EXOC1: variants seen among roughly 807,000 people sequenced by gnomAD.
EXOC1 encodes the protein exocyst complex component 1.
Under a neutral mutation model 107.7 loss-of-function variants are expected in EXOC1, and 67 were observed. The observed-to-expected ratio is 0.62, with a 90% CI of 0.51 to 0.76. The LOEUF is 0.76. Ranked by LOEUF, EXOC1 falls within the 30% of genes least tolerant of loss-of-function variation. EXOC1 has a pLI of 0.00. For synonymous variants in EXOC1, 348 were observed against 353.5 expected, an observed-to-expected ratio of 0.98 and a Z score of 0.17; for missense variants, 833 against 1,055.7, an observed-to-expected ratio of 0.79 and a Z score of 2.92.
intron 8 of EXOC1, among the ~76,000 whole-genome samples, chr4:55,874,580 T>C (rs926005801): frequency 6.6e-6 from 1 of 152,192 alleles, no homozygotes; most frequent in Non-Finnish European, 1.5e-5. Flanking sequence ...GCATGCTATC[T>C]GTAATGCAAC....
chr4:55,904,284 C>T, intron 18 of EXOC1, 59 bp from the exon 19 acceptor site: 4 of 1,463,702 alleles, frequency 2.7e-6, no homozygotes, highest in Non-Finnish European at 3.7e-6. Flanking sequence ...ATTATTTCTG[C>T]ATACTAGATT....
At chr4:55,877,670 G>A (rs1723025397) in intron 8 of EXOC1, 2 of 985,344 alleles carry the variant, frequency 2.0e-6, no homozygotes, top group South Asian at 9.4e-5. Context: ...GGAATGGGTA[G>A]TTGATTTATC....
rs534568550 is a variant in EXOC1, at chr4:55,893,723, A to G, written c.1896A>G (p.Leu632=). 3 of 1,614,152 alleles carry G rather than the reference A, an allele frequency of 1.9e-6. No homozygotes were observed. Among genetic ancestry groups the G allele is most frequent in the African/African-American group, 2.7e-5 (2 of 75,044 alleles). The change falls in exon 15 of 19, where the codon CTA becomes CTG. Residue 632 remains leucine (L), a synonymous_variant. Transcript: ENST00000381295. The stretch of plus-strand genomic sequence containing the variant: ...AAAATGTGGACCCTGCTTCTTTCCT[A>G]AGTACTACATTGGGAAATGTTTTGG... ...TAQNVDPASF[L]STTLGNVLVT...
intron 2 of EXOC1, among the ~76,000 whole-genome samples, chr4:55,859,693 T>C (rs766789659): frequency 5.3e-5 from 8 of 152,250 alleles, no homozygotes; most frequent in Non-Finnish European, 1.2e-4. Context: ...AGCTATACTT[T>C]ACAGTGTTAA....
At chr4:55,897,002 T>C (rs557195036) in intron 16 of EXOC1, 102 bp downstream of exon 16, 51 of 963,332 alleles carry the variant, frequency 5.3e-5, no homozygotes, top group African/African-American at 1.2e-4. Flanking sequence ...GTATATCTTA[T>C]AATCTTTTTT....
chr4:55,856,278 A>G (rs1415564275), intron 1 of EXOC1, among the ~76,000 whole-genome samples: 1 of 152,244 alleles, frequency 6.6e-6, no homozygotes, highest in Non-Finnish European at 1.5e-5. Context: ...CTGGTCTACA[A>G]ACAGGGTGAA....
chr4:55,885,493 G>A (rs115366723), intron 10 of EXOC1: 267 of 152,168 alleles, frequency 1.8e-3, no homozygotes, highest in African/African-American at 6.1e-3. Flanking sequence ...AGGTAGTTTT[G>A]TAGTTTTATA....
chr4:55,881,942 A>G (rs867466170), intron 9 of EXOC1, among the ~76,000 whole-genome samples: 2 of 152,168 alleles, frequency 1.3e-5, no homozygotes, highest in Non-Finnish European at 2.9e-5. Flanking sequence ...TCGAAAGCCA[A>G]ACACTAGAGG....
chr4:55,868,731 T>C, intron 5 of EXOC1: 1 of 419,546 alleles, frequency 2.4e-6, no homozygotes, highest in East Asian at 3.7e-5. Context: ...GACAGTTGGC[T>C]GAGATTCTGG....
intron 15 of EXOC1, among the ~76,000 whole-genome samples, chr4:55,896,446 T>C (rs1369526631): frequency 6.6e-6 from 1 of 152,222 alleles, no homozygotes; most frequent in African/African-American, 2.4e-5. Context: ...CCCCAGCTTA[T>C]AGATGGTTTT....
At chr4:55,887,248 A>T (rs1723979440) in intron 10 of EXOC1, among the ~76,000 whole-genome samples, 1 of 152,134 alleles carries the variant, frequency 6.6e-6, no homozygotes, top group Non-Finnish European at 1.5e-5. Context: ...CAAATCTTTA[A>T]AATAGCCAAG....
At chr4:55,875,620 T>G (rs112308376) in intron 8 of EXOC1, 4 of 985,372 alleles carry the variant, frequency 4.1e-6, no homozygotes, top group African/African-American at 3.5e-5. Context: ...ACATAGACAA[T>G]AATTTTGAGT....
Position 55,870,705 on chromosome 4 carries a change from G to GA in EXOC1, c.636dup (p.Gln213ThrfsTer11). On this transcript the variant is annotated frameshift_variant, in exon 6 of 19. Coordinates refer to ENST00000381295, the MANE Select transcript of EXOC1 (RefSeq NM_001024924.2). LOFTEE classifies it high-confidence loss of function. ...TAACATCCAGTCAATCATGGCATCT[G>GA]AAAAACAAGTCAACATCCTGATGAA... The GA allele has an allele frequency of 6.2e-7, 1 of 1,613,670 alleles. No individual in the cohort carries two copies. Among genetic ancestry groups the GA allele is most frequent in the Non-Finnish European group, 8.5e-7 (1 of 1,179,802 alleles).
intron 18 of EXOC1, among the ~76,000 whole-genome samples, chr4:55,902,798 T>TTGGC (rs1454547970): frequency 2.0e-5 from 3 of 151,602 alleles, no homozygotes; most frequent in Non-Finnish European, 4.4e-5. Context: ...GGTTGGTTGG[T>TTGGC]TGGTTGGTTG....
chr4:55,872,459 G>T (rs542666938), intron 8 of EXOC1, among the ~76,000 whole-genome samples: 8 of 151,956 alleles, frequency 5.3e-5, no homozygotes, highest in Non-Finnish European at 1.2e-4. Context: ...ATTTTTATAT[G>T]GAAAAGGATG....
chr4:55,905,028 ATAT>A lies in EXOC1; in HGVS notation c.*535_*537del, dbSNP rs1316372307. On this transcript the variant is annotated 3_prime_UTR_variant, in exon 19 of 19. Coordinates refer to ENST00000381295, the MANE Select transcript of EXOC1 (RefSeq NM_001024924.2). The stretch of plus-strand genomic sequence containing the variant: ...TTTTCAAAAAAGTTGACATTTGATA[ATAT>A]TTTTAGGTCTATCATATGCTGTCTT... 1 of 152,276 alleles carries A rather than the reference ATAT, an allele frequency of 6.6e-6. No homozygotes were observed. Among genetic ancestry groups the A allele is most frequent in the African/African-American group, 2.4e-5 (1 of 41,460 alleles). 9.4% of individuals were successfully genotyped at this position (152,276 alleles called of 1,614,324 possible). A position where few individuals can be genotyped will look rare whatever the true frequency, so the allele number is the denominator to read the frequency against.
At chr4:55,893,212 C>T (rs1397554472) in intron 14 of EXOC1, among the ~76,000 whole-genome samples, 4 of 152,132 alleles carry the variant, frequency 2.6e-5, no homozygotes, top group South Asian at 2.1e-4. Context: ...CTTCACCTCC[C>T]GGGTTCAAGC....
At chr4:55,871,650 A>G (rs1475173966) in intron 7 of EXOC1, among the ~76,000 whole-genome samples, 199 bp from the exon 8 acceptor site, 1 of 152,188 alleles carries the variant, frequency 6.6e-6, no homozygotes, top group Non-Finnish European at 1.5e-5. Flanking sequence ...AACAGTTCCC[A>G]GGCGATGGTG....
Position 55,860,450 on chromosome 4 carries a change from T to G in EXOC1, c.164T>G (p.Val55Gly). ...CCTGTGCAGGTTAAGGTGGTCAAAG[T>G]CAAGAAATCCGATAAGGGAGATTTC... is the stretch of plus-strand genomic sequence containing the variant. ...ERPVQVKVVK[V>G]KKSDKGDFYK... The change falls in exon 3 of 19, where the codon GTC (valine) becomes GGC (glycine). Residue 55 changes from valine (V) to glycine (G), a missense_variant. By Grantham distance (109) the Val-to-Gly change is moderately radical. Coordinates refer to ENST00000381295, the MANE Select transcript of EXOC1 (RefSeq NM_001024924.2). 1.9e-6 allele frequency: 3 copies of G among 1,613,950 alleles called. No individual in the cohort carries two copies. Among genetic ancestry groups the G allele is most frequent in the Non-Finnish European group, 2.5e-6 (3 of 1,179,908 alleles).
Sources: allele counts gnomAD v4.1 joint callset (sites outside exome capture counted in the v4.1 genomes callset), GRCh38; gene constraint gnomAD v4.1.1; transcripts MANE v1.5; gene names NCBI Gene and HGNC (gene_info 2026-07-23, HGNC 2026-07-21).